Variants in FLI1 observed in about 807,000 individuals in gnomAD.
FLI1 encodes Fli-1 proto-oncogene, ETS transcription factor.
A neutral mutation model predicts 53.1 loss-of-function variants in FLI1; 13 were observed. The observed-to-expected ratio is 0.24, with a 90% CI of 0.16 to 0.39. The LOEUF (loss-of-function observed/expected upper bound fraction) is 0.39. Ranked by LOEUF, FLI1 falls within the 10% of genes least tolerant of loss-of-function variation. The pLI is 1.00. For missense variants in FLI1, 424 were observed against 600.5 expected, an observed-to-expected ratio of 0.71 and a Z score of 3.07; for synonymous variants, 244 against 236.7, an observed-to-expected ratio of 1.03 and a Z score of -0.28.
At chr11:128,713,687 T>A (rs771970883) in intron 1 of FLI1, among the ~76,000 whole-genome samples, 5 of 150,912 alleles carry the variant, frequency 3.3e-5, no homozygotes, top group Non-Finnish European at 7.4e-5. Flanking sequence ...AAGTATGGGG[T>A]GCCTCGGGAG....
intron 1 of FLI1, among the ~76,000 whole-genome samples, chr11:128,751,498 C>A (rs1435271968): frequency 6.6e-6 from 1 of 151,748 alleles, no homozygotes; most frequent in Non-Finnish European, 1.5e-5. Context: ...CACAGACACA[C>A]CACCACACCT....
At chr11:128,763,428 A>G (rs1184149336) in intron 2 of FLI1, among the ~76,000 whole-genome samples, 1 of 152,230 alleles carries the variant, frequency 6.6e-6, no homozygotes, top group Non-Finnish European at 1.5e-5. Context: ...TGGTCTGCAA[A>G]TAACTCTCAG....
chr11:128,792,454 C>T (rs1162487394), intron 5 of FLI1, among the ~76,000 whole-genome samples: 2 of 152,108 alleles, frequency 1.3e-5, no homozygotes, highest in African/African-American at 2.4e-5. Context: ...GGTTGTTTGC[C>T]GGGTGGGATG....
chr11:128,764,698 T>C (rs1941261347), intron 2 of FLI1: 1 of 1,545,730 alleles, frequency 6.5e-7, no homozygotes, highest in Admixed American at 1.9e-5. Flanking sequence ...GGGCTTCACC[T>C]GTACCCACCC....
chr11:128,801,618 C>A (rs2135907937), intron 5 of FLI1, among the ~76,000 whole-genome samples: 1 of 152,292 alleles, frequency 6.6e-6, no homozygotes, highest in South Asian at 2.1e-4. Context: ...CCTCAACACC[C>A]CAGATGGAAA....
chr11:128,707,547 C>T (rs1253266787), intron 1 of FLI1, among the ~76,000 whole-genome samples: 1 of 152,182 alleles, frequency 6.6e-6, no homozygotes, highest in Non-Finnish European at 1.5e-5. Context: ...AGCCCTGTGG[C>T]TGTGCTGCTC....
At chr11:128,693,653 A>C (rs992827124), upstream of FLI1, 1 of 229,622 alleles carries the variant, frequency 4.4e-6, no homozygotes, top group Non-Finnish European at 8.6e-6. Context: ...AAGAAGCCAA[A>C]GGTCTTTGGC....
intron 5 of FLI1, among the ~76,000 whole-genome samples, chr11:128,798,756 G>A (rs532640922): frequency 7.9e-5 from 12 of 152,288 alleles, no homozygotes; most frequent in South Asian, 4.1e-4. Context: ...GTAAGACGCC[G>A]CTGAAGTGAA....
At chr11:128,788,635 T>A (rs1942173227) in intron 5 of FLI1, among the ~76,000 whole-genome samples, 1 of 152,150 alleles carries the variant, frequency 6.6e-6, no homozygotes, top group Admixed American at 6.5e-5. Context: ...GAACATCTCC[T>A]CCAAATCCCT....
intron 1 of FLI1, among the ~76,000 whole-genome samples, chr11:128,697,515 G>A (rs1336072295): frequency 6.6e-6 from 1 of 151,158 alleles, no homozygotes. Flanking sequence ...TGCTACCTTA[G>A]CTGGATACAC....
rs562664241 is a variant in FLI1, at chr11:128,754,845, C to T, written c.19-3270C>T. 5.9e-5 allele frequency among the ~76,000 whole-genome samples: 9 copies of T among 152,362 alleles called. No individual in the cohort carries two copies. In the East Asian group the frequency reaches 1.7e-3, roughly 29 times the overall value. On this transcript the variant is annotated intron_variant, in intron 1 of 8. Coordinates refer to ENST00000527786, the MANE Select transcript of FLI1 (RefSeq NM_002017.5). ...GAAGTGTGAGGCATTCCCGGTGAAC[C>T]GGGACGCTCTCCTCCTACAATGTTG... is the stretch of plus-strand genomic sequence containing the variant.
intron 5 of FLI1, among the ~76,000 whole-genome samples, chr11:128,789,524 G>C (rs776431956): frequency 1.3e-5 from 2 of 152,162 alleles, no homozygotes; most frequent in African/African-American, 2.4e-5. Flanking sequence ...ATATATCTTA[G>C]AAATTCTCCG....
chr11:128,748,826 C>T (rs981651748), intron 1 of FLI1, among the ~76,000 whole-genome samples: 1 of 152,060 alleles, frequency 6.6e-6, no homozygotes, highest in African/African-American at 2.4e-5. Flanking sequence ...AGTAGCAAAC[C>T]TCTTTAAGCC....
chr11:128,790,415 C>T (rs1467478789), intron 5 of FLI1, among the ~76,000 whole-genome samples: 1 of 152,022 alleles, frequency 6.6e-6, no homozygotes, highest in Non-Finnish European at 1.5e-5. Flanking sequence ...GGCAGGAAAC[C>T]CCAATCCCTC....
rs183638033 is a variant in FLI1 at position 128,770,527 on chromosome 11, A to G, written c.385+2255A>G. 3.2e-3 allele frequency among the ~76,000 whole-genome samples: 490 copies of G among 152,374 alleles called. 6 individuals are homozygous for G. Among genetic ancestry groups the G allele is most frequent in the Middle Eastern group, 0.027 (8 of 294 alleles). ...GTTCAGATGGGAAGAAACTAGGACT[A>G]AATCATCCAGGAAATGCATTTGGAA... On this transcript the variant is annotated intron_variant, in intron 3 of 8. Coordinates refer to ENST00000527786, the MANE Select transcript of FLI1 (RefSeq NM_002017.5).
Position 128,740,110 on chromosome 11 carries a change from T to C in FLI1, c.19-18005T>C, listed in dbSNP as rs116029822. Among the ~76,000 whole-genome samples, 377 of 152,082 alleles carry C rather than the reference T, an allele frequency of 2.5e-3. 1 individual carries two copies. The highest frequency in any genetic ancestry group is 8.7e-3 in the African/African-American group (360 of 41,474). Reference sequence around the variant, plus strand: ...TGCCCCATAAGCGCAGAAAGCAATCTCCCAAGAAACCCTAAGGCCTGTAGC... The same window carrying C: ...TGCCCCATAAGCGCAGAAAGCAATCCCCCAAGAAACCCTAAGGCCTGTAGC... On this transcript the variant is annotated intron_variant, in intron 1 of 8. Coordinates refer to ENST00000527786, the MANE Select transcript of FLI1 (RefSeq NM_002017.5).
chr11:128,704,447 A>C (rs1362901722), intron 1 of FLI1, among the ~76,000 whole-genome samples: 3 of 152,214 alleles, frequency 2.0e-5, no homozygotes, highest in Middle Eastern at 3.4e-3. Flanking sequence ...GGGGTCTTAG[A>C]TTCTTTTCCG....
intron 1 of FLI1, among the ~76,000 whole-genome samples, chr11:128,708,754 A>G (rs1410379524): frequency 6.6e-6 from 1 of 152,178 alleles, no homozygotes; most frequent in Non-Finnish European, 1.5e-5. Flanking sequence ...CCAATGTAAC[A>G]AGATTGCTGT....
At position 128,805,513 on chromosome 11, in the gene FLI1, G is replaced by A. The variant is rs1375857672; in HGVS notation, c.721+82G>A. On this transcript the variant is annotated intron_variant, in intron 6 of 8. Coordinates refer to ENST00000527786, the MANE Select transcript of FLI1 (RefSeq NM_002017.5). ...GAGAACAGGATCATGAGACACAGGA[G>A]AGCAGCAAGCATTTGTTTCCCTGCT... The A allele has an allele frequency of 5.9e-6, 5 of 851,980 alleles. No individual in the cohort carries two copies. In the Admixed American group the frequency reaches 1.0e-4, roughly 18 times the overall value. 52.8% of individuals were successfully genotyped at this position (851,980 alleles called of 1,614,324 possible).
Sources: allele counts gnomAD v4.1 joint callset (sites outside exome capture counted in the v4.1 genomes callset), GRCh38; gene constraint gnomAD v4.1.1; transcripts MANE v1.5; gene names NCBI Gene and HGNC (gene_info 2026-07-23, HGNC 2026-07-21).